Variants in AKAP19 observed in about 807,000 individuals in gnomAD.
AKAP19 encodes small A-kinase anchoring protein.
the AKAP19 span, among the ~76,000 whole-genome samples, chr2:189,942,859 G>A: frequency 6.6e-6 from 1 of 152,226 alleles, no homozygotes; most frequent in African/African-American, 2.4e-5. Flanking sequence ...AAATTTCTAA[G>A]CAGCAAAAGG....
At chr2:190,159,946 T>C in the AKAP19 span, among the ~76,000 whole-genome samples, 1 of 152,214 alleles carries the variant, frequency 6.6e-6, no homozygotes, top group South Asian at 2.1e-4. Flanking sequence ...GAAAGCAATT[T>C]TATGAGTTTA....
At chr2:190,080,800 T>A in the AKAP19 span, among the ~76,000 whole-genome samples, 1 of 152,196 alleles carries the variant, frequency 6.6e-6, no homozygotes, top group South Asian at 2.1e-4. Context: ...GGAGCAGGGA[T>A]GTTTTAACAC....
the AKAP19 span, among the ~76,000 whole-genome samples, chr2:190,192,066 C>T: frequency 1.3e-5 from 2 of 151,656 alleles, no homozygotes; most frequent in African/African-American, 4.8e-5. Flanking sequence ...GTTTTGTCTT[C>T]TTGTTTTATA....
chr2:189,890,241 G>A, the AKAP19 span, among the ~76,000 whole-genome samples: 1 of 152,176 alleles, frequency 6.6e-6, no homozygotes, highest in South Asian at 2.1e-4. Context: ...TTTCAAGTGA[G>A]TTTCTTAATT....
At chr2:190,022,852 G>A in the AKAP19 span, among the ~76,000 whole-genome samples, 3 of 152,010 alleles carry the variant, frequency 2.0e-5, no homozygotes, top group African/African-American at 7.3e-5. Flanking sequence ...TCCTAATCTG[G>A]AGCTTTTTGT....
the AKAP19 span, among the ~76,000 whole-genome samples, chr2:190,124,815 A>G: frequency 1.3e-5 from 2 of 152,152 alleles, no homozygotes; most frequent in Non-Finnish European, 2.9e-5. Flanking sequence ...ATACATCTGT[A>G]CAAAAATATT....
chr2:189,933,027 A>C, the AKAP19 span, among the ~76,000 whole-genome samples: 1 of 152,220 alleles, frequency 6.6e-6, no homozygotes, highest in Non-Finnish European at 1.5e-5. Context: ...CACTGAGAAC[A>C]TTATGTCATC....
chr2:190,203,080 A>T, the AKAP19 span: 12 of 167,072 alleles, frequency 7.2e-5, no homozygotes, highest in Non-Finnish European at 1.5e-4. Flanking sequence ...AGACACACTG[A>T]ATGAAGTAGC....
At chr2:189,931,420 G>C in the AKAP19 span, among the ~76,000 whole-genome samples, 4 of 152,044 alleles carry the variant, frequency 2.6e-5, no homozygotes, top group African/African-American at 9.7e-5. Context: ...GGAGTGCAGT[G>C]GTGCGATCAT....
At chr2:189,939,168 T>TGG in the AKAP19 span, among the ~76,000 whole-genome samples, 2 of 152,230 alleles carry the variant, frequency 1.3e-5, no homozygotes, top group African/African-American at 4.8e-5. Flanking sequence ...AACTCTGCTC[T>TGG]GTTACTCCAC....
the AKAP19 span, among the ~76,000 whole-genome samples, chr2:190,104,685 A>G: frequency 6.6e-6 from 1 of 152,042 alleles, no homozygotes; most frequent in African/African-American, 2.4e-5. Flanking sequence ...AGCTACTCAG[A>G]TGGCTGAGGT....
chr2:189,975,120 A>G, the AKAP19 span, among the ~76,000 whole-genome samples: 1 of 152,132 alleles, frequency 6.6e-6, no homozygotes, highest in Non-Finnish European at 1.5e-5. Context: ...GGCTGGTACC[A>G]GTTGTTCCTT....
chr2:190,139,637 A>G, the AKAP19 span, among the ~76,000 whole-genome samples: 3 of 152,156 alleles, frequency 2.0e-5, no homozygotes, highest in Non-Finnish European at 2.9e-5. Context: ...TTATAAAACC[A>G]TCAGATCTCA....
At chr2:190,020,514 G>T in the AKAP19 span, among the ~76,000 whole-genome samples, 2 of 152,170 alleles carry the variant, frequency 1.3e-5, no homozygotes, top group Non-Finnish European at 2.9e-5. Context: ...TCAGTACTAT[G>T]TATCAGACAA....
chr2:190,174,810 G>A, the AKAP19 span, among the ~76,000 whole-genome samples: 2 of 152,162 alleles, frequency 1.3e-5, no homozygotes, highest in African/African-American at 4.8e-5. Flanking sequence ...GCCAAAAATG[G>A]TTATCAAAAT....
chr2:189,919,561 A>C, the AKAP19 span, among the ~76,000 whole-genome samples: 1 of 151,710 alleles, frequency 6.6e-6, no homozygotes, highest in African/African-American at 2.4e-5. Context: ...TCCCCAACAG[A>C]CCGTGGTGTG....
At chr2:190,187,935 T>A in the AKAP19 span, among the ~76,000 whole-genome samples, 4,597 of 152,296 alleles carry the variant, frequency 0.03, 229 homozygotes, top group African/African-American at 0.11. Context: ...TTGCTAGATC[T>A]CTTCCTGAGG....
the AKAP19 span, among the ~76,000 whole-genome samples, chr2:190,145,583 G>T: frequency 6.6e-6 from 1 of 151,948 alleles, no homozygotes; most frequent in Non-Finnish European, 1.5e-5. Flanking sequence ...CTGTGTTTAG[G>T]TACACAATTA....
At chr2:189,897,912 G>A in the AKAP19 span, among the ~76,000 whole-genome samples, 2 of 152,094 alleles carry the variant, frequency 1.3e-5, no homozygotes, top group Non-Finnish European at 2.9e-5. Flanking sequence ...GAATGAAATA[G>A]AAAAGTGAGA....
Sources: gnomAD v4.1 joint callset for allele counts (sites outside exome capture counted in the v4.1 genomes callset) on GRCh38, gnomAD v4.1.1 for gene constraint, MANE v1.5 for transcripts, NCBI Gene and HGNC (gene_info 2026-07-23, HGNC 2026-07-21) for gene names.